Variants in IGFBP7 observed in about 807,000 individuals in gnomAD.
IGFBP7 encodes the protein insulin like growth factor binding protein 7.
In IGFBP7, 31 loss-of-function variants were observed where a neutral mutation model predicts 29.4. The ratio of observed to expected loss-of-function variants is 1.05; its 90% confidence interval spans 0.79 to 1.42. IGFBP7 has a LOEUF of 1.42. Ranked by LOEUF, IGFBP7 falls within the 40% of genes most tolerant of loss-of-function variation. IGFBP7 has a pLI of 0.00. For synonymous variants in IGFBP7, 172 were observed against 174.9 expected (o/e 0.98, Z 0.13); for missense variants, 393 against 395.5 (o/e 0.99, Z 0.05).
chr4:57,091,083 C>A (rs1725626115), intron 1 of IGFBP7, among the ~76,000 whole-genome samples: 2 of 152,116 alleles, frequency 1.3e-5, no homozygotes, highest in South Asian at 2.1e-4. Context: ...ACTGCCAACA[C>A]CTGGAATTTA....
At chr4:57,059,452 G>A (rs183066357) in intron 1 of IGFBP7, among the ~76,000 whole-genome samples, 16 of 152,272 alleles carry the variant, frequency 1.1e-4, no homozygotes, top group East Asian at 7.7e-4. Flanking sequence ...GCAGGAACAC[G>A]GAGGGAGTTG....
intron 1 of IGFBP7, chr4:57,073,117 C>T: frequency 6.3e-7 from 1 of 1,596,240 alleles, no homozygotes; most frequent in Non-Finnish European, 8.6e-7. Context: ...AGCAGGTCAC[C>T]AGCCAGGAGC....
chr4:57,034,269 T>G (rs987351317), intron 2 of IGFBP7, among the ~76,000 whole-genome samples: 3 of 152,064 alleles, frequency 2.0e-5, no homozygotes, highest in African/African-American at 7.2e-5. Context: ...AGAATGAAAT[T>G]CACTTGTAGC....
intron 1 of IGFBP7, among the ~76,000 whole-genome samples, chr4:57,081,130 C>T (rs965997613): frequency 6.6e-6 from 1 of 152,160 alleles, no homozygotes; most frequent in African/African-American, 2.4e-5. Context: ...TAAAATGGGC[C>T]TTGAGTGATA....
chr4:57,035,652 G>A (rs1166059492), intron 2 of IGFBP7, among the ~76,000 whole-genome samples: 4 of 151,992 alleles, frequency 2.6e-5, no homozygotes, highest in Non-Finnish European at 5.9e-5. Flanking sequence ...GTAGAGACGG[G>A]GTTTTGCCAT....
chr4:57,085,903 C>T (rs1725487021), intron 1 of IGFBP7, among the ~76,000 whole-genome samples: 1 of 152,150 alleles, frequency 6.6e-6, no homozygotes. Flanking sequence ...TTTCATTCAT[C>T]TCTATTGTTT....
At chr4:57,084,359 C>T (rs1725444137) in intron 1 of IGFBP7, among the ~76,000 whole-genome samples, 2 of 151,972 alleles carry the variant, frequency 1.3e-5, no homozygotes, top group Non-Finnish European at 2.9e-5. Context: ...TTCCTTTAGC[C>T]AAAAATGAAG....
chr4:57,062,686 T>C (rs1365369915), intron 1 of IGFBP7, among the ~76,000 whole-genome samples: 1 of 152,270 alleles, frequency 6.6e-6, no homozygotes, highest in East Asian at 1.9e-4. Context: ...TTTGAAAATA[T>C]GCTTTGTGTT....
At chr4:57,071,435 A>C (rs17183761) in intron 1 of IGFBP7, among the ~76,000 whole-genome samples, 10,549 of 152,232 alleles carry the variant, frequency 0.069, 470 homozygotes, top group Non-Finnish European at 0.081. Context: ...GCTGACAACT[A>C]AGTTTGCACT....
chr4:57,102,909 T>C (rs564366178), intron 1 of IGFBP7, among the ~76,000 whole-genome samples: 1 of 152,290 alleles, frequency 6.6e-6, no homozygotes, highest in Non-Finnish European at 1.5e-5. Context: ...GTTTCTGATC[T>C]GAAAGCAGAG....
intron 1 of IGFBP7, among the ~76,000 whole-genome samples, chr4:57,046,842 T>G (rs951478860): frequency 4.6e-5 from 7 of 152,222 alleles, no homozygotes; most frequent in African/African-American, 1.4e-4. Flanking sequence ...TACCTACATT[T>G]TTCTATCCAG....
intron 4 of IGFBP7, among the ~76,000 whole-genome samples, chr4:57,031,589 G>A (rs1221871439): frequency 2.0e-5 from 3 of 152,164 alleles, no homozygotes; most frequent in African/African-American, 7.2e-5. Flanking sequence ...AACTGGAAGA[G>A]CACATTTCAC....
At chr4:57,043,153 G>A (rs1724272257) in intron 1 of IGFBP7, among the ~76,000 whole-genome samples, 2 of 152,214 alleles carry the variant, frequency 1.3e-5, no homozygotes, top group South Asian at 4.1e-4. Flanking sequence ...CTGAATGCCA[G>A]GGTTCAATCA....
chr4:57,044,220 G>A (rs191439359), intron 1 of IGFBP7, among the ~76,000 whole-genome samples: 19 of 152,334 alleles, frequency 1.2e-4, no homozygotes, highest in African/African-American at 3.6e-4. Flanking sequence ...AATACAGGTA[G>A]CAGGGTCATC....
intron 2 of IGFBP7, 112 bp downstream of exon 2, chr4:57,040,712 T>C: frequency 2.5e-6 from 2 of 805,174 alleles, no homozygotes; most frequent in Non-Finnish European, 4.2e-6. Context: ...GGCTTCACCT[T>C]GCGGGAGCCG....
Position 57,060,025 on chromosome 4 carries a change from G to A in IGFBP7, c.476-19092C>T, listed in dbSNP as rs187836613. On this transcript the variant is annotated intron_variant, in intron 1 of 4. Coordinates refer to ENST00000295666, the MANE Select transcript of IGFBP7 (RefSeq NM_001553.3). ...CCCAGTCCATCATGAACTAAGTGAT[G>A]TGCTGGGTCACATGAGGAATAGAAA... Among the ~76,000 whole-genome samples, 55 of 152,324 alleles carry A rather than the reference G, an allele frequency of 3.6e-4. 1 individual carries two copies. Among genetic ancestry groups the A allele is most frequent in the Admixed American group, 1.0e-3 (16 of 15,306 alleles).
intron 2 of IGFBP7, among the ~76,000 whole-genome samples, chr4:57,035,250 T>G (rs1277310): frequency 0.91 from 138,944 of 152,252 alleles, 63,410 homozygotes; most frequent in East Asian, 0.97. Context: ...ATATTTAACA[T>G]AAATCACAAT....
chr4:57,075,710 T>G (rs1725205648), intron 1 of IGFBP7, among the ~76,000 whole-genome samples: 1 of 151,752 alleles, frequency 6.6e-6, no homozygotes, highest in Non-Finnish European at 1.5e-5. Flanking sequence ...TAAAAAAAGC[T>G]AAAGAGAATT....
intron 1 of IGFBP7, among the ~76,000 whole-genome samples, chr4:57,046,084 T>C (rs534756745): frequency 3.3e-5 from 5 of 151,966 alleles, no homozygotes; most frequent in Non-Finnish European, 5.9e-5. Flanking sequence ...TGAAGATACA[T>C]GGTGAGAAAG....
Sources: allele counts gnomAD v4.1 joint callset (sites outside exome capture counted in the v4.1 genomes callset), GRCh38; gene constraint gnomAD v4.1.1; transcripts MANE v1.5; gene names NCBI Gene and HGNC (gene_info 2026-07-23, HGNC 2026-07-21).